Variants in FER1L6 observed in about 807,000 individuals in gnomAD.
The protein encoded by FER1L6 is fer-1 like family member 6, also known as fer-1-like protein 6.
In FER1L6, 177 loss-of-function variants were observed where a neutral mutation model predicts 219.2. The ratio of observed to expected loss-of-function variants is 0.81; its 90% CI spans 0.71 to 0.91. The LOEUF is 0.91. Ranked by LOEUF, FER1L6 falls within the 40% of genes least tolerant of loss-of-function variation. The pLI is 0.00. For synonymous variants in FER1L6, 768 were observed against 824.3 expected (o/e 0.93, Z 1.17); for missense variants, 2,153 against 2,259.9 (o/e 0.95, Z 0.96).
chr8:123,882,619 G>A (rs1173526756), intron 1 of FER1L6, among the ~76,000 whole-genome samples: 1 of 152,030 alleles, frequency 6.6e-6, no homozygotes. Context: ...ACAAAAATAA[G>A]AAACACTGAG....
intron 26 of FER1L6, 90 bp from the exon 27 acceptor site, chr8:124,066,338 C>A: frequency 6.8e-7 from 1 of 1,478,734 alleles, no homozygotes; most frequent in Non-Finnish European, 9.2e-7. Flanking sequence ...CAGTGGACAC[C>A]TAAATGTTTT....
chr8:123,973,101 G>A (rs1815896367), intron 6 of FER1L6, among the ~76,000 whole-genome samples: 1 of 152,176 alleles, frequency 6.6e-6, no homozygotes, highest in Non-Finnish European at 1.5e-5. Context: ...GGGACTGAAT[G>A]GCGGAGGTGA....
chr8:123,992,026 T>C (rs150689194), intron 12 of FER1L6, among the ~76,000 whole-genome samples: 8 of 152,286 alleles, frequency 5.3e-5, no homozygotes, highest in African/African-American at 1.9e-4. Context: ...CATTAAACCA[T>C]TCCCGCATCC....
chr8:124,023,948 G>C (rs1818587594), intron 18 of FER1L6, among the ~76,000 whole-genome samples: 1 of 150,480 alleles, frequency 6.6e-6, no homozygotes, highest in African/African-American at 2.5e-5. Flanking sequence ...CCGGGCTGGA[G>C]TGCAGTGGCG....
chr8:124,054,889 C>A (rs185849175), intron 22 of FER1L6, among the ~76,000 whole-genome samples: 2 of 152,022 alleles, frequency 1.3e-5, no homozygotes, highest in African/African-American at 4.8e-5. Flanking sequence ...AATGTTGCAA[C>A]GCGAAGATGC....
intron 30 of FER1L6, 44 bp downstream of exon 30, chr8:124,070,642 T>C (rs1262908058): frequency 6.6e-6 from 10 of 1,511,982 alleles, no homozygotes; most frequent in Non-Finnish European, 8.0e-6. Flanking sequence ...TCCCTGTCCA[T>C]AAATGTCAGC....
Position 123,955,972 on chromosome 8 carries a change from T to C in FER1L6, c.-7-20T>C. 6.4e-7 allele frequency: 1 copy of C among 1,573,046 alleles called. No individual in the cohort carries two copies. The highest frequency in any genetic ancestry group is 8.7e-7 in the Non-Finnish European group (1 of 1,153,860). On this transcript the variant is annotated intron_variant, in intron 1 of 40. Coordinates refer to ENST00000522917, the MANE Select transcript of FER1L6 (RefSeq NM_001039112.2). Reference sequence around the variant, plus strand: ...AATGACTCAAAGTTTTTATTGTTTCTTTTTTTTTCTTCTTTTCAGAAAGGG... The same window carrying C: ...AATGACTCAAAGTTTTTATTGTTTCCTTTTTTTTCTTCTTTTCAGAAAGGG...
chr8:124,007,941 T>A (rs1449816507), intron 13 of FER1L6, among the ~76,000 whole-genome samples: 1 of 152,248 alleles, frequency 6.6e-6, no homozygotes, highest in Non-Finnish European at 1.5e-5. Context: ...TTATCTTTTT[T>A]AAAATTGCCT....
At chr8:124,085,489 T>C (rs1441717235) in intron 33 of FER1L6, among the ~76,000 whole-genome samples, 4 of 152,214 alleles carry the variant, frequency 2.6e-5, no homozygotes, top group Admixed American at 6.5e-5. Flanking sequence ...CCACTGGCCA[T>C]TCAGGAGCAT....
At chr8:124,036,927 A>T (rs964013744) in intron 19 of FER1L6, among the ~76,000 whole-genome samples, 1 of 152,194 alleles carries the variant, frequency 6.6e-6, no homozygotes, top group Non-Finnish European at 1.5e-5. Flanking sequence ...GTTTGCACCT[A>T]TATATGTAAG....
chr8:123,995,634 T>C (rs1467408073), intron 12 of FER1L6, among the ~76,000 whole-genome samples: 1 of 152,158 alleles, frequency 6.6e-6, no homozygotes, highest in Non-Finnish European at 1.5e-5. Context: ...GTTGATCTTT[T>C]GTATTGTTTT....
At chr8:124,060,150 C>A (rs1388396480) in intron 22 of FER1L6, 30 bp from the exon 23 acceptor site, 1 of 1,546,596 alleles carries the variant, frequency 6.5e-7, no homozygotes, top group Non-Finnish European at 8.9e-7. Context: ...GTCTCTCCAG[C>A]ATCTAACTCA....
intron 37 of FER1L6, among the ~76,000 whole-genome samples, chr8:124,099,594 T>G (rs1020367732): frequency 6.6e-6 from 1 of 152,190 alleles, no homozygotes; most frequent in Non-Finnish European, 1.5e-5. Flanking sequence ...GCCATCCAAA[T>G]TGGCCTCCCC....
intron 11 of FER1L6, among the ~76,000 whole-genome samples, chr8:123,983,272 A>G (rs1816402942): frequency 6.6e-6 from 1 of 152,076 alleles, no homozygotes. Flanking sequence ...GAGAGGTCCC[A>G]TGATGCTGGC....
chr8:123,864,219 A>C (rs1056831425), intron 1 of FER1L6, among the ~76,000 whole-genome samples: 2 of 150,458 alleles, frequency 1.3e-5, no homozygotes, highest in Non-Finnish European at 2.9e-5. Context: ...AAAGTATTTT[A>C]TTTCTCCTTC....
intron 1 of FER1L6, among the ~76,000 whole-genome samples, chr8:123,904,744 G>A (rs148126464): frequency 3.5e-4 from 53 of 152,318 alleles, no homozygotes; most frequent in African/African-American, 1.2e-3. Context: ...CCCACTCTGA[G>A]ATTCCAAGAG....
In FER1L6 at chr8:123,927,847, C is replaced by A. The variant is rs1341763665; in HGVS notation, c.-7-28145C>A. On this transcript the variant is annotated intron_variant, in intron 1 of 40. Transcript: ENST00000522917. The stretch of plus-strand genomic sequence containing the variant: ...TTGACAAGATTTGTTCTTTATGAAG[C>A]TTTACTGAATCCCTTCTTGCAACTT... Among the ~76,000 whole-genome samples, 6 of 152,148 alleles carry A rather than the reference C, an allele frequency of 3.9e-5. No individual in the cohort carries two copies. In the East Asian group the frequency reaches 1.2e-3, roughly 29 times the overall value.
At chr8:123,913,540 C>T (rs977935589) in intron 1 of FER1L6, among the ~76,000 whole-genome samples, 1 of 152,012 alleles carries the variant, frequency 6.6e-6, no homozygotes, top group Non-Finnish European at 1.5e-5. Flanking sequence ...GTTTATTAGC[C>T]ATGTGATTTG....
chr8:124,120,044 A>C lies in FER1L6; in HGVS notation c.*254A>C, dbSNP rs1709235481. ...TTTCACCTCATGGTAATCAACAATG[A>C]CCTCAAATTGACTTAGATCAATGTT... On this transcript the variant is annotated 3_prime_UTR_variant, in exon 41 of 41. Coordinates refer to ENST00000522917, the MANE Select transcript of FER1L6 (RefSeq NM_001039112.2). The C allele has an allele frequency of 5.3e-6, 2 of 378,140 alleles. No homozygotes were observed. The highest frequency in any genetic ancestry group is 2.3e-4 in the South Asian group (2 of 8,836). The allele number at this position is 378,140 out of a possible 1,614,324, so 23.4% of individuals were successfully genotyped here.
Sources: gnomAD v4.1 joint callset for allele counts (sites outside exome capture counted in the v4.1 genomes callset) on GRCh38, gnomAD v4.1.1 for gene constraint, MANE v1.5 for transcripts, NCBI Gene and HGNC (gene_info 2026-07-23, HGNC 2026-07-21) for gene names.